The following ZNF345 variants were observed in gnomAD, a reference collection of about 807,000 sequenced individuals.
ZNF345 encodes the protein zinc finger protein HZF10.
For synonymous variants in ZNF345, 166 were observed against 187.9 expected, an observed-to-expected ratio of 0.88 and a Z score of 0.95; for missense variants, 527 against 589.9, an observed-to-expected ratio of 0.89 and a Z score of 1.10.
At chr19:36,869,957 T>G (rs937266149) in intron 2 of ZNF345, among the ~76,000 whole-genome samples, 7 of 152,130 alleles carry the variant, frequency 4.6e-5, no homozygotes, top group Non-Finnish European at 8.8e-5. Flanking sequence ...TGTTTTGTAT[T>G]TTTAATAGAG....
rs757361725 is a variant in ZNF345 at position 36,876,853 on chromosome 19, G to T, written c.23G>T (p.Ser8Ile). ...GATATGGAAAACCTTACAAAACACA[G>T]CATTGAGTGTTCAAGTTTCAGAGGT... MENLTKH[S>I]IECSSFRGDW... The change falls in exon 3 of 3, where the codon AGC becomes ATC. Residue 8 changes from serine (S) to isoleucine (I), a missense_variant. Ser to Ile is a moderately radical substitution (Grantham distance 142, BLOSUM62 -2). Transcript: ENST00000420450. 6.2e-6 allele frequency: 10 copies of T among 1,612,494 alleles called. No homozygotes were observed. Among genetic ancestry groups the T allele is most frequent in the Non-Finnish European group, 8.5e-6 (10 of 1,179,178 alleles).
chr19:36,892,474 G>C, intron 3 of ZNF345: 1 of 1,557,060 alleles, frequency 6.4e-7, no homozygotes, highest in Non-Finnish European at 8.6e-7. Context: ...TTCCAGATCT[G>C]AAAGAAAATA....
At chr19:36,871,314 C>T (rs2072766895) in intron 2 of ZNF345, among the ~76,000 whole-genome samples, 1 of 152,200 alleles carries the variant, frequency 6.6e-6, no homozygotes, top group Non-Finnish European at 1.5e-5. Flanking sequence ...TTCAACATTT[C>T]ATTTGGGGGT....
chr19:36,885,295 T>G (rs1206280103), intron 3 of ZNF345, among the ~76,000 whole-genome samples: 1 of 151,852 alleles, frequency 6.6e-6, no homozygotes, highest in Non-Finnish European at 1.5e-5. Context: ...GCTTGCTTAC[T>G]AGCTTTTTTG....
intron 2 of ZNF345, among the ~76,000 whole-genome samples, chr19:36,853,245 C>CTTTTTT (rs902150512): frequency 3.5e-4 from 37 of 106,516 alleles, no homozygotes; most frequent in African/African-American, 6.6e-4. Flanking sequence ...TTCTTTCTTT[C>CTTTTTT]TTTTTTTTTT....
downstream of ZNF345, among the ~76,000 whole-genome samples, chr19:36,883,317 T>A (rs528998440): frequency 6.6e-6 from 1 of 152,346 alleles, no homozygotes; most frequent in Admixed American, 6.5e-5. Flanking sequence ...GTCATGGTCA[T>A]TTAATGCATC....
At chr19:36,874,655 T>C (rs2146197263) in intron 2 of ZNF345, among the ~76,000 whole-genome samples, 1 of 152,136 alleles carries the variant, frequency 6.6e-6, no homozygotes, top group Non-Finnish European at 1.5e-5. Context: ...GGCACATGCC[T>C]GTAATCCCAG....
At chr19:36,888,617 C>T (rs1269683824) in intron 3 of ZNF345, 2 of 152,154 alleles carry the variant, frequency 1.3e-5, no homozygotes, top group African/African-American at 4.8e-5. Context: ...GTTACATACA[C>T]ATATAGTGTA....
In ZNF345 at chr19:36,879,420, G is replaced by T. The variant is rs1012495453; in HGVS notation, c.*1123G>T. On this transcript the variant is annotated 3_prime_UTR_variant, in exon 3 of 3. Transcript: ENST00000420450. Reference sequence around the variant, plus strand: ...CTTTAATACTATCTCTCATTGTTTTGGAAACAAGGTGTGATTATGCTATAC... The same window carrying T: ...CTTTAATACTATCTCTCATTGTTTTTGAAACAAGGTGTGATTATGCTATAC... 2.4e-5 allele frequency: 4 copies of T among 166,930 alleles called. No individual in the cohort carries two copies. Among genetic ancestry groups the T allele is most frequent in the Non-Finnish European group, 5.9e-5 (4 of 68,098 alleles). The allele number at this position is 166,930 out of a possible 1,614,324, so 10.3% of individuals were successfully genotyped here.
At chr19:36,871,224 A>G (rs975317690) in intron 2 of ZNF345, among the ~76,000 whole-genome samples, 13 of 152,112 alleles carry the variant, frequency 8.5e-5, no homozygotes, top group Non-Finnish European at 1.5e-4. Flanking sequence ...CATTAATTAC[A>G]TTCATGAGGG....
At chr19:36,882,061 TAA>T (rs74556601), downstream of ZNF345, among the ~76,000 whole-genome samples, 80 of 151,408 alleles carry the variant, frequency 5.3e-4, no homozygotes, top group Non-Finnish European at 7.1e-4. Flanking sequence ...GTTTTTTTTT[TAA>T]AAAAAACCTT....
At chr19:36,882,739 T>C (rs2072976199), downstream of ZNF345, among the ~76,000 whole-genome samples, 2 of 152,202 alleles carry the variant, frequency 1.3e-5, no homozygotes, top group African/African-American at 4.8e-5. Flanking sequence ...TGAAACTTCA[T>C]TAAAAAGTTA....
intron 2 of ZNF345, among the ~76,000 whole-genome samples, chr19:36,868,002 C>CTTTTTTT (rs569167997): frequency 7.1e-5 from 9 of 127,036 alleles, no homozygotes; most frequent in African/African-American, 2.3e-4. Flanking sequence ...TGAGGAGTGG[C>CTTTTTTT]TTTTTTTTTT....
chr19:36,853,245 CTTTTTT>C (rs902150512), intron 2 of ZNF345, among the ~76,000 whole-genome samples: 6 of 106,534 alleles, frequency 5.6e-5, no homozygotes, highest in African/African-American at 1.1e-4. Context: ...TTCTTTCTTT[CTTTTTT>C]TTTTTTTTTT....
intron 2 of ZNF345, among the ~76,000 whole-genome samples, chr19:36,872,917 A>G (rs763247293): frequency 1.3e-5 from 2 of 152,102 alleles, no homozygotes; most frequent in Non-Finnish European, 2.9e-5. Flanking sequence ...CCTATTGACG[A>G]TTTTTAAATG....
intron 2 of ZNF345, among the ~76,000 whole-genome samples, chr19:36,862,060 C>T (rs1359577072): frequency 6.7e-6 from 1 of 149,844 alleles, no homozygotes; most frequent in African/African-American, 2.5e-5. Flanking sequence ...GGGGTTTCTC[C>T]ATGTTGGTCA....
In ZNF345 at chr19:36,877,282, G is replaced by T. The variant is rs756742137; in HGVS notation, c.452G>T (p.Cys151Phe). 8.7e-6 allele frequency: 14 copies of T among 1,614,016 alleles called. No homozygotes were observed. The highest frequency in any genetic ancestry group is 1.3e-5 in the African/African-American group (1 of 74,890). Residue 151 changes from cysteine to phenylalanine, a missense_variant, in exon 3 of 3, where the codon TGT becomes TTT. By Grantham distance (205) the Cys-to-Phe change is radical. Transcript: ENST00000420450. ...TGEKPYECKE[C>F]GKAFSFGSGL... ...GAGAAACCCTATGAGTGTAAGGAAT[G>T]TGGGAAAGCCTTTAGTTTTGGATCA...
chr19:36,870,464 T>C (rs1298107727), intron 2 of ZNF345, among the ~76,000 whole-genome samples: 1 of 152,158 alleles, frequency 6.6e-6, no homozygotes, highest in African/African-American at 2.4e-5. Flanking sequence ...CTGCGTTGAG[T>C]TCTTTGTTTC....
intron 2 of ZNF345, among the ~76,000 whole-genome samples, chr19:36,860,791 A>T (rs1246411095): frequency 6.6e-6 from 1 of 152,178 alleles, no homozygotes; most frequent in Non-Finnish European, 1.5e-5. Flanking sequence ...ACAGTTGTCT[A>T]TTTGTAATTA....
Sources: gnomAD v4.1 joint callset for allele counts (sites outside exome capture counted in the v4.1 genomes callset) on GRCh38, gnomAD v4.1.1 for gene constraint, MANE v1.5 for transcripts, NCBI Gene and HGNC (gene_info 2026-07-23, HGNC 2026-07-21) for gene names.